VPS13B: variants seen among roughly 807,000 people sequenced by gnomAD.
VPS13B encodes intermembrane lipid transfer protein VPS13B.
In VPS13B, 285 loss-of-function variants were observed where a neutral mutation model predicts 426.4. That is an observed-to-expected ratio of 0.67 (90% CI 0.61 to 0.74). The LOEUF is 0.74. VPS13B is among the 30% of genes least tolerant of loss of function. The pLI is 0.00. For synonymous variants in VPS13B, 1,676 were observed against 1,676.4 expected, an observed-to-expected ratio of 1.00 and a Z score of 0.01; for missense variants, 4,537 against 4,782.6, an observed-to-expected ratio of 0.95 and a Z score of 1.51.
chr8:99,744,791 A>G (rs1431105587), intron 39 of VPS13B, among the ~76,000 whole-genome samples: 3 of 144,546 alleles, frequency 2.1e-5, no homozygotes, highest in Non-Finnish European at 3.0e-5. Context: ...GGACACAGGA[A>G]GGGGAACATC....
chr8:99,059,412 G>C (rs1844056778), intron 3 of VPS13B, among the ~76,000 whole-genome samples: 1 of 152,058 alleles, frequency 6.6e-6, no homozygotes, highest in Admixed American at 6.5e-5. Flanking sequence ...TGAGCTCTTA[G>C]CTATTTTCCC....
intron 19 of VPS13B, 115 bp from the exon 20 acceptor site, chr8:99,384,093 A>G (rs1251870915): frequency 3.3e-6 from 3 of 895,752 alleles, no homozygotes; most frequent in Admixed American, 3.6e-5. Context: ...ATCCTTTCCA[A>G]CGCTTGTTAC....
At chr8:99,336,517 A>T (rs952232896) in intron 19 of VPS13B, among the ~76,000 whole-genome samples, 2 of 152,198 alleles carry the variant, frequency 1.3e-5, no homozygotes, top group Non-Finnish European at 2.9e-5. Context: ...GACAAATGGG[A>T]TCTAATGAAA....
chr8:99,591,414 T>A (rs1826668185), intron 33 of VPS13B, among the ~76,000 whole-genome samples: 1 of 152,148 alleles, frequency 6.6e-6, no homozygotes, highest in African/African-American at 2.4e-5. Flanking sequence ...CTGGTTATTT[T>A]GCCCGTTAAA....
At chr8:99,733,487 A>C (rs145223952) in intron 39 of VPS13B, among the ~76,000 whole-genome samples, 11 of 152,354 alleles carry the variant, frequency 7.2e-5, no homozygotes, top group Non-Finnish European at 1.0e-4. Context: ...GATGTAAAAA[A>C]ATATGTAGAA....
intron 60 of VPS13B, 136 bp downstream of exon 60, chr8:99,871,023 C>A: frequency 1.2e-6 from 1 of 865,278 alleles, no homozygotes; most frequent in Non-Finnish European, 1.9e-6. Context: ...TCTCAGGCAG[C>A]ACAAGAGCAC....
In VPS13B at chr8:99,067,876, G is replaced by A. The variant is rs1300962723; in HGVS notation, c.292-28436G>A. Among the ~76,000 whole-genome samples, 8 of 151,968 alleles carry A rather than the reference G, an allele frequency of 5.3e-5. No individual in the cohort carries two copies. The South Asian group carries it at 1.0e-3, about 20-fold the overall frequency. On this transcript the variant is annotated intron_variant, in intron 3 of 61. Transcript: ENST00000357162. ...TTCTTCTTATACATTGAATACTCTC[G>A]GAGTTCGTTGTTTTGGAATTATATG... is the stretch of plus-strand genomic sequence containing the variant.
At chr8:99,359,606 A>G (rs910708639) in intron 19 of VPS13B, among the ~76,000 whole-genome samples, 1 of 152,216 alleles carries the variant, frequency 6.6e-6, no homozygotes, top group African/African-American at 2.4e-5. Context: ...TAAATTTCCA[A>G]AGTTTACTAT....
intron 60 of VPS13B, 91 bp from the exon 61 acceptor site, chr8:99,871,357 T>C: frequency 1.3e-6 from 2 of 1,598,588 alleles, no homozygotes; most frequent in African/African-American, 1.3e-5. Flanking sequence ...TTTGCCCTTG[T>C]GGAGGTTGCC....
intron 17 of VPS13B, among the ~76,000 whole-genome samples, chr8:99,259,106 A>T (rs952339626): frequency 2.0e-5 from 3 of 152,094 alleles, no homozygotes; most frequent in African/African-American, 7.2e-5. Context: ...CTCAGTGCTC[A>T]TGATTACTGT....
intron 30 of VPS13B, among the ~76,000 whole-genome samples, chr8:99,530,547 G>A (rs1822876750): frequency 6.6e-6 from 1 of 151,172 alleles, no homozygotes; most frequent in Admixed American, 6.6e-5. Context: ...CTGGGAGGTG[G>A]AGGTTGCAGT....
At chr8:99,529,847 T>A (rs1245596282) in intron 30 of VPS13B, among the ~76,000 whole-genome samples, 2 of 152,188 alleles carry the variant, frequency 1.3e-5, no homozygotes, top group Non-Finnish European at 2.9e-5. Flanking sequence ...CATGACAAAA[T>A]CCCTGTCTTT....
intron 39 of VPS13B, among the ~76,000 whole-genome samples, chr8:99,764,707 AC>A (rs1442166530): frequency 2.0e-5 from 3 of 151,734 alleles, no homozygotes; most frequent in Non-Finnish European, 4.4e-5. Context: ...GAGCCACCAC[AC>A]CTGGCATAGA....
chr8:99,748,480 AAT>A (rs1037318328), intron 39 of VPS13B, among the ~76,000 whole-genome samples: 4 of 152,096 alleles, frequency 2.6e-5, no homozygotes, highest in Non-Finnish European at 5.9e-5. Context: ...TTGATATGTA[AAT>A]AGACATATTT....
chr8:99,812,311 T>C (rs576328220), intron 44 of VPS13B, among the ~76,000 whole-genome samples: 4 of 152,154 alleles, frequency 2.6e-5, no homozygotes, highest in Non-Finnish European at 2.9e-5. Context: ...ATTTCCTCAA[T>C]TGGCAAGGTT....
Position 99,270,131 on chromosome 8 carries a change from C to CTTTTTT in VPS13B, c.2516-4046_2516-4041dup, listed in dbSNP as rs71273170. On this transcript the variant is annotated intron_variant, in intron 17 of 61. Transcript: ENST00000357162. ...ATATAGGTATATAAGATATAAGAAT[C>CTTTTTT]TTTTTTTTTTTTTTTTTTTTTTTTT... 5.0e-3 allele frequency among the ~76,000 whole-genome samples: 153 copies of CTTTTTT among 30,302 alleles called. 58 individuals are homozygous for CTTTTTT. The highest frequency in any genetic ancestry group is 8.1e-3 in the African/African-American group (73 of 9,060). 19.9% of individuals were successfully genotyped at this position (30,302 alleles called of 152,430 possible). A position where few individuals can be genotyped will look rare whatever the true frequency, so the allele number is the denominator to read the frequency against.
intron 19 of VPS13B, among the ~76,000 whole-genome samples, chr8:99,306,760 T>C (rs1034623645): frequency 1.3e-5 from 2 of 152,064 alleles, no homozygotes; most frequent in African/African-American, 4.8e-5. Flanking sequence ...TCTTAAACTG[T>C]GTTTTCCCAT....
chr8:99,267,271 A>G (rs186838835), intron 17 of VPS13B, among the ~76,000 whole-genome samples: 352 of 152,278 alleles, frequency 2.3e-3, no homozygotes, highest in Non-Finnish European at 3.9e-3. Flanking sequence ...GTGCTTTAGT[A>G]AAGAGACTGG....
rs764162546 is a variant in VPS13B, at chr8:99,577,503, G to T, written c.5090G>T (p.Cys1697Phe). 1 of 1,613,780 alleles carries T rather than the reference G, an allele frequency of 6.2e-7. No individual in the cohort carries two copies. The highest frequency in any genetic ancestry group is 1.1e-5 in the South Asian group (1 of 91,072). The stretch of plus-strand genomic sequence containing the variant: ...TTTTTGCTTCAGGAGATTTTAGTGT[G>T]TGGCCATTCCTTAGAAGTGAATATA... Reference protein sequence around the residue: ...ENLHTEEILVCGHSLEVNITT... With the variant: ...ENLHTEEILVFGHSLEVNITT... Residue 1697 changes from cysteine to phenylalanine, a missense_variant, in exon 33 of 62, where the codon TGT (cysteine) becomes TTT (phenylalanine). Transcript: ENST00000357162.
Sources: allele counts gnomAD v4.1 joint callset (sites outside exome capture counted in the v4.1 genomes callset), GRCh38; gene constraint gnomAD v4.1.1; transcripts MANE v1.5; gene names NCBI Gene and HGNC (gene_info 2026-07-23, HGNC 2026-07-21).